MACROH2A2: variants seen among roughly 807,000 people sequenced by gnomAD.
MACROH2A2 encodes the protein core histone macro-H2A.2.
Under a neutral mutation model 37.6 loss-of-function variants are expected in MACROH2A2, and 6 were observed. The ratio of observed to expected loss-of-function variants is 0.16; its 90% CI spans 0.09 to 0.32. MACROH2A2 has a LOEUF of 0.32. Ranked by LOEUF, MACROH2A2 falls within the 10% of genes least tolerant of loss-of-function variation. The pLI is 1.00. For synonymous variants in MACROH2A2, 192 were observed against 202.7 expected (o/e 0.95, Z 0.45); for missense variants, 290 against 485.9 (o/e 0.60, Z 3.79).
intron 1 of MACROH2A2, among the ~76,000 whole-genome samples, chr10:70,057,996 C>T (rs1310017548): frequency 6.6e-6 from 1 of 152,128 alleles, no homozygotes; most frequent in South Asian, 2.1e-4. Context: ...ATCCTTATGC[C>T]CACGTGGTAA....
chr10:70,106,876 A>C (rs1470860440), intron 7 of MACROH2A2, among the ~76,000 whole-genome samples: 2 of 152,148 alleles, frequency 1.3e-5, no homozygotes, highest in African/African-American at 4.8e-5. Flanking sequence ...TACTTTTAAA[A>C]TATATGAAAT....
At chr10:70,108,047 C>T (rs531490254) in intron 7 of MACROH2A2, among the ~76,000 whole-genome samples, 6 of 152,112 alleles carry the variant, frequency 3.9e-5, no homozygotes, top group Admixed American at 3.9e-4. Flanking sequence ...AGCAAAACCT[C>T]ATCTCTATAA....
intron 8 of MACROH2A2, among the ~76,000 whole-genome samples, chr10:70,110,622 G>A (rs114057667): frequency 0.019 from 2,826 of 151,546 alleles, 97 homozygotes; most frequent in African/African-American, 0.065. Flanking sequence ...GGTGGCTCAC[G>A]CCTGTAAATC....
chr10:70,075,912 G>A lies in MACROH2A2; in HGVS notation c.172+82G>A. The A allele has an allele frequency of 2.5e-6, 3 of 1,193,986 alleles. No individual in the cohort carries two copies. Among genetic ancestry groups the A allele is most frequent in the Non-Finnish European group, 3.6e-6 (3 of 837,568 alleles). 74.0% of individuals were successfully genotyped at this position (1,193,986 alleles called of 1,614,324 possible). A position where few individuals can be genotyped will look rare whatever the true frequency, so the allele number is the denominator to read the frequency against. ...TCCCCCTCGCAGGCTGGGGAGGGAT[G>A]CTCCAAATTGCCTTTTGGCTGGCTC... On this transcript the variant is annotated intron_variant, in intron 2 of 8. Transcript: ENST00000373255. The surrounding 1 kb of genome is among the most constrained non-coding windows in gnomAD (Gnocchi z 5.0).
At chr10:70,060,816 A>T (rs527885448) in intron 1 of MACROH2A2, among the ~76,000 whole-genome samples, 2 of 152,304 alleles carry the variant, frequency 1.3e-5, no homozygotes, top group South Asian at 4.1e-4. Context: ...ACTTATTTAA[A>T]TTAAAAGAAA....
rs74139257 is a variant in MACROH2A2, at chr10:70,066,838, C to G, written c.-59-8762C>G. 9.7e-3 allele frequency among the ~76,000 whole-genome samples: 1,476 copies of G among 152,288 alleles called. 22 individuals carry two copies. The highest frequency in any genetic ancestry group is 0.033 in the African/African-American group (1,382 of 41,546). ...CACAAGCACACCTTCCCAGCTGAGA[C>G]TGCTCCAGGTGACTGCCTTCTTGTT... On this transcript the variant is annotated intron_variant, in intron 1 of 8. Transcript: ENST00000373255.
intron 6 of MACROH2A2, among the ~76,000 whole-genome samples, chr10:70,096,800 G>C (rs1018812306): frequency 6.6e-6 from 1 of 152,148 alleles, no homozygotes; most frequent in African/African-American, 2.4e-5. Flanking sequence ...CCAGGCAGCT[G>C]GACTCACTCA....
intron 1 of MACROH2A2, among the ~76,000 whole-genome samples, chr10:70,066,281 TTA>T (rs2072079010): frequency 6.6e-6 from 1 of 152,122 alleles, no homozygotes; most frequent in Non-Finnish European, 1.5e-5. Flanking sequence ...TGAGCCGTGA[TTA>T]TACCACTGCA....
intron 2 of MACROH2A2, among the ~76,000 whole-genome samples, chr10:70,084,419 G>A (rs780888201): frequency 4.6e-5 from 7 of 152,166 alleles, no homozygotes. Context: ...GGGCATGGTG[G>A]CTCACCTTTG....
At chr10:70,088,817 G>A (rs2072226823) in intron 2 of MACROH2A2, among the ~76,000 whole-genome samples, 1 of 152,208 alleles carries the variant, frequency 6.6e-6, no homozygotes, top group Non-Finnish European at 1.5e-5. Flanking sequence ...AGGAAAAGGA[G>A]AGTCAACCAG....
chr10:70,064,502 G>A (rs2072067942), intron 1 of MACROH2A2, among the ~76,000 whole-genome samples: 1 of 152,192 alleles, frequency 6.6e-6, no homozygotes, highest in Non-Finnish European at 1.5e-5. Context: ...AGCCATGCCT[G>A]CTGATGTGGT....
chr10:70,093,823 A>C lies in MACROH2A2; in HGVS notation c.566A>C (p.Lys189Thr). 6.3e-7 allele frequency: 1 copy of C among 1,599,398 alleles called. No individual in the cohort carries two copies. The highest frequency in any genetic ancestry group is 8.6e-7 in the Non-Finnish European group (1 of 1,166,562). Residue 189 changes from lysine (K) to threonine (T), a missense_variant, in exon 5 of 9, where the codon AAG becomes ACG. Lys to Thr is a moderately conservative substitution (Grantham distance 78). Transcript: ENST00000373255. ...PGDGFTILSSKSLVLGQKLSL... is the reference protein window; with the variant it reads ...PGDGFTILSSTSLVLGQKLSL... ...GATGGATTCACCATTCTGTCTTCTAAGAGCCTTGTTCTGGGACAGAAGGTA... is the reference window on the plus strand; with the variant it reads ...GATGGATTCACCATTCTGTCTTCTACGAGCCTTGTTCTGGGACAGAAGGTA...
At chr10:70,089,433 C>T (rs1002096100) in intron 2 of MACROH2A2, among the ~76,000 whole-genome samples, 1 of 152,182 alleles carries the variant, frequency 6.6e-6, no homozygotes, top group Non-Finnish European at 1.5e-5. Flanking sequence ...GCCATCGTGT[C>T]CTCAGCCCAC....
At chr10:70,110,307 C>T (rs539322801) in intron 8 of MACROH2A2, among the ~76,000 whole-genome samples, 2 of 152,276 alleles carry the variant, frequency 1.3e-5, no homozygotes, top group African/African-American at 4.8e-5. Context: ...CTCCCTGGAA[C>T]CTGGGGCCTT....
intron 2 of MACROH2A2, among the ~76,000 whole-genome samples, chr10:70,079,106 G>C (rs76824895): frequency 6.6e-6 from 1 of 152,116 alleles, no homozygotes; most frequent in Non-Finnish European, 1.5e-5. Flanking sequence ...AGGTGCTGTC[G>C]GGCAGGGAAT....
At chr10:70,063,926 C>T (rs1186533501) in intron 1 of MACROH2A2, among the ~76,000 whole-genome samples, 1 of 152,138 alleles carries the variant, frequency 6.6e-6, no homozygotes, top group Non-Finnish European at 1.5e-5. Context: ...AGGTGGGGAG[C>T]GTGATAAGTG....
chr10:70,059,237 G>T (rs927263827), intron 1 of MACROH2A2, among the ~76,000 whole-genome samples: 5 of 151,974 alleles, frequency 3.3e-5, no homozygotes, highest in Admixed American at 3.3e-4. Flanking sequence ...GTTCTCAGGT[G>T]GGGCTCCACA....
At chr10:70,087,962 TGCC>T (rs2072221191) in intron 2 of MACROH2A2, among the ~76,000 whole-genome samples, 1 of 152,370 alleles carries the variant, frequency 6.6e-6, no homozygotes, top group East Asian at 1.9e-4. Context: ...TTTTTGTGAT[TGCC>T]GTAGATTTTA....
chr10:70,105,459 A>G (rs2072331757), intron 7 of MACROH2A2, among the ~76,000 whole-genome samples: 1 of 152,208 alleles, frequency 6.6e-6, no homozygotes, highest in Non-Finnish European at 1.5e-5. Context: ...ACAGAGGTGC[A>G]GCCAGACCCA....
Sources: allele counts gnomAD v4.1 joint callset (sites outside exome capture counted in the v4.1 genomes callset), GRCh38; gene constraint gnomAD v4.1.1; non-coding constraint Gnocchi (gnomAD v3.1); transcripts MANE v1.5; gene names NCBI Gene and HGNC (gene_info 2026-07-23, HGNC 2026-07-21).